ADAMTSL3: variants seen among roughly 807,000 people sequenced by gnomAD.
ADAMTSL3 encodes the protein ADAMTS-like protein 3.
ADAMTSL3 carries 128 observed loss-of-function variants against 201.7 expected under a neutral mutation model. That is an observed-to-expected ratio of 0.63 (90% CI 0.55 to 0.73). The LOEUF (loss-of-function observed/expected upper bound fraction) is 0.73, where lower values mean the gene tolerates loss of function less well. ADAMTSL3 is among the 30% of genes least tolerant of loss of function. The pLI is 0.00. For synonymous variants in ADAMTSL3, 738 were observed against 748.4 expected (o/e 0.99, Z 0.23); for missense variants, 1,990 against 2,119.6 (o/e 0.94, Z 1.20).
chr15:83,993,925 G>A (rs2067630169), intron 23 of ADAMTSL3, among the ~76,000 whole-genome samples: 1 of 152,188 alleles, frequency 6.6e-6, no homozygotes, highest in Non-Finnish European at 1.5e-5. Context: ...TACTTATCCT[G>A]TAATTTTCTG....
Position 84,025,247 on chromosome 15 carries a change from A to G in ADAMTSL3, c.4467A>G (p.Thr1489=). 1 of 1,604,214 alleles carries G rather than the reference A, an allele frequency of 6.2e-7. No individual in the cohort carries two copies. Among genetic ancestry groups the G allele is most frequent in the Non-Finnish European group, 8.5e-7 (1 of 1,175,984 alleles). ...TAGTTTTTGTTCCTAGGTGGTTCAC[A>G]AGTGTGTGGTCACAGTGCTCTGTGT... ...NIRDCPARWF[T]SVWSQCSVSC... Residue 1489 remains threonine (T), a synonymous_variant, in exon 27 of 30, where the codon ACA becomes ACG. Transcript: ENST00000286744.
intron 3 of ADAMTSL3, among the ~76,000 whole-genome samples, chr15:83,708,911 C>T (rs1484616016): frequency 6.6e-6 from 1 of 152,180 alleles, no homozygotes; most frequent in African/African-American, 2.4e-5. Context: ...GTGCAAATGA[C>T]TTACTCAAGG....
intron 3 of ADAMTSL3, among the ~76,000 whole-genome samples, chr15:83,711,496 A>G (rs558387012): frequency 2.0e-5 from 3 of 152,346 alleles, no homozygotes; most frequent in African/African-American, 7.2e-5. Flanking sequence ...GCAGCAAGCC[A>G]TTTGAGTTTG....
At chr15:83,799,550 G>A (rs1480413434) in intron 4 of ADAMTSL3, among the ~76,000 whole-genome samples, 1 of 151,866 alleles carries the variant, frequency 6.6e-6, no homozygotes, top group Non-Finnish European at 1.5e-5. Flanking sequence ...TACTTCTCAG[G>A]CTTTATGACA....
At chr15:83,915,135 C>G (rs1311735886) in intron 16 of ADAMTSL3, among the ~76,000 whole-genome samples, 1 of 152,232 alleles carries the variant, frequency 6.6e-6, no homozygotes, top group Admixed American at 6.5e-5. Flanking sequence ...GGAGCTGTGT[C>G]TTTCATTAGG....
At chr15:83,736,688 T>C (rs895536034) in intron 3 of ADAMTSL3, among the ~76,000 whole-genome samples, 7 of 152,114 alleles carry the variant, frequency 4.6e-5, no homozygotes, top group African/African-American at 1.7e-4. Context: ...TGCATGACAA[T>C]TGTATTCTTT....
At chr15:83,937,839 G>A (rs1019532201) in intron 17 of ADAMTSL3, among the ~76,000 whole-genome samples, 4 of 150,976 alleles carry the variant, frequency 2.6e-5, no homozygotes, top group African/African-American at 9.9e-5. Flanking sequence ...GGTATAAGCA[G>A]TATAAACTAA....
chr15:83,861,002 G>A (rs899465986), intron 8 of ADAMTSL3, among the ~76,000 whole-genome samples: 6 of 152,176 alleles, frequency 3.9e-5, no homozygotes, highest in Non-Finnish European at 7.4e-5. Context: ...TTAGCAAATG[G>A]CACACCAGGA....
At chr15:84,027,080 C>T (rs1427160430) in intron 27 of ADAMTSL3, among the ~76,000 whole-genome samples, 1 of 152,074 alleles carries the variant, frequency 6.6e-6, no homozygotes, top group African/African-American at 2.4e-5. Flanking sequence ...ATAATAAAAA[C>T]ACAAATAAAC....
chr15:83,717,412 C>T, intron 3 of ADAMTSL3: 1 of 152,312 alleles, frequency 6.6e-6, no homozygotes. Flanking sequence ...TTACAGTTTA[C>T]TCTTCTGCTC....
At chr15:83,748,883 T>C (rs12915150) in intron 3 of ADAMTSL3, among the ~76,000 whole-genome samples, 1 of 151,746 alleles carries the variant, frequency 6.6e-6, no homozygotes, top group African/African-American at 2.4e-5. Context: ...GAGCCGGTAT[T>C]TGGGGGCTGG....
At chr15:83,823,492 C>T (rs1000853687) in intron 6 of ADAMTSL3, among the ~76,000 whole-genome samples, 2 of 152,158 alleles carry the variant, frequency 1.3e-5, no homozygotes, top group Non-Finnish European at 2.9e-5. Flanking sequence ...ACTTTGACAT[C>T]ATTCTTGCTT....
chr15:84,000,363 A>G (rs1024800252), intron 23 of ADAMTSL3, among the ~76,000 whole-genome samples: 1 of 152,170 alleles, frequency 6.6e-6, no homozygotes, highest in Admixed American at 6.5e-5. Context: ...CTACTCAAAA[A>G]GGCTCCCCTT....
At chr15:83,996,454 C>CAA (rs2067687103) in intron 23 of ADAMTSL3, among the ~76,000 whole-genome samples, 1 of 152,092 alleles carries the variant, frequency 6.6e-6, no homozygotes, top group Non-Finnish European at 1.5e-5. Flanking sequence ...ATAGAAATAG[C>CAA]TTCTCTGAAT....
At chr15:83,705,217 C>A (rs566073840) in intron 3 of ADAMTSL3, among the ~76,000 whole-genome samples, 1 of 152,214 alleles carries the variant, frequency 6.6e-6, no homozygotes, top group East Asian at 1.9e-4. Flanking sequence ...ATTTATGGGG[C>A]AGTTGAGCAA....
chr15:83,918,197 G>A (rs546468879), intron 16 of ADAMTSL3, among the ~76,000 whole-genome samples: 32 of 152,248 alleles, frequency 2.1e-4, no homozygotes, highest in Non-Finnish European at 4.1e-4. Flanking sequence ...TGTGGATAAT[G>A]CCAACCTTGT....
intron 3 of ADAMTSL3, among the ~76,000 whole-genome samples, chr15:83,768,033 A>G (rs896263761): frequency 1.3e-5 from 2 of 152,188 alleles, no homozygotes; most frequent in African/African-American, 4.8e-5. Flanking sequence ...ACAGGCTGGT[A>G]TTCTGGGCCA....
chr15:83,733,761 A>G (rs1453126744), intron 3 of ADAMTSL3, among the ~76,000 whole-genome samples: 1 of 152,212 alleles, frequency 6.6e-6, no homozygotes, highest in Non-Finnish European at 1.5e-5. Flanking sequence ...GACAGCACTC[A>G]TGTTTCATAA....
intron 8 of ADAMTSL3, among the ~76,000 whole-genome samples, chr15:83,868,819 A>G (rs1309956536): frequency 6.6e-6 from 1 of 152,210 alleles, no homozygotes; most frequent in African/African-American, 2.4e-5. Context: ...TGAGACTCTT[A>G]GACACCATTA....
Sources: gnomAD v4.1 joint callset for allele counts (sites outside exome capture counted in the v4.1 genomes callset) on GRCh38, gnomAD v4.1.1 for gene constraint, MANE v1.5 for transcripts, NCBI Gene and HGNC (gene_info 2026-07-23, HGNC 2026-07-21) for gene names.